PBX3: variants seen among roughly 807,000 people sequenced by gnomAD.
PBX3 encodes the protein pre-B-cell leukemia transcription factor 3.
A neutral mutation model predicts 48.5 loss-of-function variants in PBX3; 14 were observed. The ratio of observed to expected loss-of-function variants is 0.29; its 90% confidence interval spans 0.19 to 0.45. The LOEUF is 0.45. Among genes scored for constraint, PBX3 ranks in the 20% least tolerant of loss-of-function variants. The probability of loss-of-function intolerance (pLI) is 1.00; values close to 1 mark genes in which losing one functional copy is unlikely to be tolerated. For synonymous variants in PBX3, 210 were observed against 200.3 expected (o/e 1.05, Z -0.41); for missense variants, 386 against 546.7 (o/e 0.71, Z 2.93).
At chr9:125,938,639 G>A (rs1454582492) in intron 5 of PBX3, among the ~76,000 whole-genome samples, 1 of 152,130 alleles carries the variant, frequency 6.6e-6, no homozygotes, top group Non-Finnish European at 1.5e-5. Context: ...AATGAGGAAT[G>A]TTCTATTGAA....
rs1388472178 is a variant in PBX3 at position 125,810,275 on chromosome 9, T to C, written c.274+61652T>C. On this transcript the variant is annotated intron_variant, in intron 2 of 8. Transcript: ENST00000373489. ...TATGACTCATGTTAGGTTAATATTT[T>C]ATAATTCTCAAGGGGCTTACAATTT... Among the ~76,000 whole-genome samples, 5 of 152,314 alleles carry C rather than the reference T, an allele frequency of 3.3e-5. No individual in the cohort carries two copies. The East Asian group carries it at 9.6e-4, about 29-fold the overall frequency.
Position 125,860,676 on chromosome 9 carries a change from AGGTT to A in PBX3, c.275-55009_275-55006del, listed in dbSNP as rs1423663566. On this transcript the variant is annotated intron_variant, in intron 2 of 8. Transcript: ENST00000373489. Reference sequence around the variant, plus strand: ...GAGGCTGAGGCAGGCAGATCACCTGAGGTTAGGAGTTCAAGACCAGCCTGGCCAA... The same window carrying A: ...GAGGCTGAGGCAGGCAGATCACCTGAAGGAGTTCAAGACCAGCCTGGCCAA... 1.7e-4 allele frequency among the ~76,000 whole-genome samples: 26 copies of A among 152,136 alleles called. No individual in the cohort carries two copies. The South Asian group carries it at 5.4e-3, about 32-fold the overall frequency.
At chr9:125,960,484 G>A (rs750992056) in intron 5 of PBX3, among the ~76,000 whole-genome samples, 200 bp from the exon 6 acceptor site, 5 of 152,146 alleles carry the variant, frequency 3.3e-5, no homozygotes, top group East Asian at 1.9e-4. Context: ...AGAAAGCAGC[G>A]TTATTCCAAA....
intron 2 of PBX3, among the ~76,000 whole-genome samples, chr9:125,910,970 C>T (rs1226749193): frequency 6.6e-6 from 1 of 151,894 alleles, no homozygotes; most frequent in Non-Finnish European, 1.5e-5. Flanking sequence ...CATTTTCAGT[C>T]AGTCCTTACT....
rs746738956 is a variant in PBX3, at chr9:125,843,833, G to A, written c.275-71853G>A. ...GAGAGGTACAGAATTACAAGCGAAA[G>A]TGCAGGCCTGCTGAGGCAATTACAG... is the stretch of plus-strand genomic sequence containing the variant. On this transcript the variant is annotated intron_variant, in intron 2 of 8. Coordinates refer to ENST00000373489, the MANE Select transcript of PBX3 (RefSeq NM_006195.6). The A allele has an allele frequency of 2.0e-5, 9 of 455,866 alleles. 1 individual carries two copies. The highest frequency in any genetic ancestry group is 3.5e-5 in the Non-Finnish European group (8 of 226,760). 28.2% of individuals were successfully genotyped at this position (455,866 alleles called of 1,614,324 possible).
At position 125,966,018 on chromosome 9, in the gene PBX3, C is replaced by A; in HGVS notation, c.*95C>A. 1 of 799,634 alleles carries A rather than the reference C, an allele frequency of 1.3e-6. No individual in the cohort carries two copies. Among genetic ancestry groups the A allele is most frequent in the Admixed American group, 2.0e-5 (1 of 50,334 alleles). 49.5% of individuals were successfully genotyped at this position (799,634 alleles called of 1,614,324 possible). A position where few individuals can be genotyped will look rare whatever the true frequency, so the allele number is the denominator to read the frequency against. On this transcript the variant is annotated 3_prime_UTR_variant, in exon 9 of 9. Transcript: ENST00000373489. Reference sequence around the variant, plus strand: ...AAGCGTTTTTGTAGCCCACCATCTACAGCTTTACTGTAAAACCTTGTCTTA... The same window carrying A: ...AAGCGTTTTTGTAGCCCACCATCTAAAGCTTTACTGTAAAACCTTGTCTTA...
rs537954535 is a variant in PBX3 at position 125,873,812 on chromosome 9, G to T, written c.275-41874G>T. On this transcript the variant is annotated intron_variant, in intron 2 of 8. Transcript: ENST00000373489. ...AGCTAGATAAACCCAAAGGAAAATA[G>T]AAAAAAGGGAATAATAAAAACTTGA... Among the ~76,000 whole-genome samples, 15 of 151,726 alleles carry T rather than the reference G, an allele frequency of 9.9e-5. 1 individual carries two copies. In the South Asian group the frequency reaches 3.1e-3, roughly 32 times the overall value.
At chr9:125,902,422 A>C (rs1300967335) in intron 2 of PBX3, among the ~76,000 whole-genome samples, 1 of 151,644 alleles carries the variant, frequency 6.6e-6, no homozygotes, top group Non-Finnish European at 1.5e-5. Context: ...AGCAGAGAGT[A>C]TCCAGATTTG....
intron 2 of PBX3, among the ~76,000 whole-genome samples, chr9:125,834,210 C>T (rs1338731399): frequency 3.3e-5 from 5 of 151,916 alleles, no homozygotes. Context: ...TAGGGGGAGA[C>T]TTTAGAAAAA....
chr9:125,775,008 A>G (rs911595414), intron 2 of PBX3, among the ~76,000 whole-genome samples: 2 of 152,118 alleles, frequency 1.3e-5, no homozygotes, highest in African/African-American at 4.8e-5. Context: ...CTGGGATTAC[A>G]GGCATGTGCC....
intron 2 of PBX3, among the ~76,000 whole-genome samples, chr9:125,852,370 TC>T (rs1231840288): frequency 6.6e-6 from 1 of 152,192 alleles, no homozygotes; most frequent in East Asian, 1.9e-4. Flanking sequence ...TTTCTTTTTT[TC>T]CCTTTATAGT....
At position 125,960,796 on chromosome 9, in the gene PBX3, TAGC is replaced by T; in HGVS notation, c.963_965del (p.Ala322del). ...ACGGCCGTGACAGCTGCACACGCAG[TAGC>T]AGCAGCTGTGCAGAACAACCAGACC... On this transcript the variant is annotated inframe_deletion, in exon 6 of 9. Transcript: ENST00000373489. 2 of 1,614,162 alleles carry T rather than the reference TAGC, an allele frequency of 1.2e-6. No homozygotes were observed. Among genetic ancestry groups the T allele is most frequent in the Non-Finnish European group, 1.7e-6 (2 of 1,180,006 alleles).
intron 2 of PBX3, among the ~76,000 whole-genome samples, chr9:125,832,743 T>C (rs1304455788): frequency 6.6e-6 from 1 of 152,222 alleles, no homozygotes; most frequent in Non-Finnish European, 1.5e-5. Context: ...CAGGTATTTA[T>C]TTGTTGGTGA....
rs561738247 is a variant in PBX3, at chr9:125,796,384, A to G, written c.274+47761A>G. On this transcript the variant is annotated intron_variant, in intron 2 of 8. Coordinates refer to ENST00000373489, the MANE Select transcript of PBX3 (RefSeq NM_006195.6). ...TGGTTTACTACCTCAGGGGTAGTGC[A>G]TTAAGCCTATTGCTCTTGAGAATCC... Among the ~76,000 whole-genome samples the G allele has an allele frequency of 3.5e-4, 54 of 152,306 alleles. No homozygotes were observed. The South Asian group carries it at 4.8e-3, about 13-fold the overall frequency.
intron 2 of PBX3, among the ~76,000 whole-genome samples, chr9:125,760,940 G>A (rs1159270833): frequency 6.6e-6 from 1 of 152,152 alleles, no homozygotes; most frequent in Non-Finnish European, 1.5e-5. Flanking sequence ...TATGACATGT[G>A]TATATGGAGG....
chr9:125,750,757 G>A (rs1350578141), intron 2 of PBX3, among the ~76,000 whole-genome samples: 1 of 152,200 alleles, frequency 6.6e-6, no homozygotes, highest in Non-Finnish European at 1.5e-5. Flanking sequence ...AAGAGTAAAG[G>A]CGGCTGTCTG....
At chr9:125,832,195 T>C (rs1838980175) in intron 2 of PBX3, among the ~76,000 whole-genome samples, 1 of 109,504 alleles carries the variant, frequency 9.1e-6, no homozygotes, top group Non-Finnish European at 2.2e-5. Context: ...CTGGTTTTCT[T>C]TTCTTTCTTT....
At chr9:125,772,885 G>T (rs1214629547) in intron 2 of PBX3, among the ~76,000 whole-genome samples, 2 of 152,166 alleles carry the variant, frequency 1.3e-5, no homozygotes, top group African/African-American at 2.4e-5. Flanking sequence ...GGGCAACATG[G>T]GGTGACACCA....
chr9:125,925,202 T>C (rs1053587871), intron 3 of PBX3, among the ~76,000 whole-genome samples: 1 of 152,216 alleles, frequency 6.6e-6, no homozygotes, highest in Non-Finnish European at 1.5e-5. Context: ...GTGAAAAATT[T>C]TAAAATATAT....
Sources: gnomAD v4.1 joint callset for allele counts (sites outside exome capture counted in the v4.1 genomes callset) on GRCh38, gnomAD v4.1.1 for gene constraint, MANE v1.5 for transcripts, NCBI Gene and HGNC (gene_info 2026-07-23, HGNC 2026-07-21) for gene names.